The following SLC4A5 variants were observed in gnomAD, a reference collection of about 807,000 sequenced individuals.
The protein encoded by SLC4A5 is solute carrier family 4 member 5, also known as electrogenic sodium bicarbonate cotransporter 4.
A neutral mutation model predicts 120.4 loss-of-function variants in SLC4A5; 96 were observed. The ratio of observed to expected loss-of-function variants is 0.80; its 90% CI spans 0.68 to 0.94. The LOEUF (loss-of-function observed/expected upper bound fraction) is 0.94. Ranked by LOEUF, SLC4A5 falls within the 40% of genes least tolerant of loss-of-function variation. The probability of loss-of-function intolerance (pLI) is 0.00; values close to 1 mark genes in which losing one functional copy is unlikely to be tolerated. For missense variants in SLC4A5, 1,259 were observed against 1,459.5 expected, an observed-to-expected ratio of 0.86 and a Z score of 2.24; for synonymous variants, 550 against 571.1, an observed-to-expected ratio of 0.96 and a Z score of 0.53.
chr2:74,315,496 C>T (rs1672940291), intron 5 of SLC4A5, among the ~76,000 whole-genome samples: 1 of 149,028 alleles, frequency 6.7e-6, no homozygotes, highest in Admixed American at 6.7e-5. Context: ...GAATAATTTC[C>T]AACAAGCAGA....
At chr2:74,284,550 T>C (rs890100691) in intron 8 of SLC4A5, among the ~76,000 whole-genome samples, 6 of 152,168 alleles carry the variant, frequency 3.9e-5, no homozygotes, top group Non-Finnish European at 8.8e-5. Context: ...ATTAAATTCT[T>C]CTCCTGGGGG....
At position 74,333,625 on chromosome 2, in the gene SLC4A5, T is replaced by C. The variant is rs1238864472; in HGVS notation, c.-70+402A>G. 2.0e-5 allele frequency among the ~76,000 whole-genome samples: 3 copies of C among 152,338 alleles called. No homozygotes were observed. In the East Asian group the frequency reaches 5.8e-4, roughly 29 times the overall value. Reference sequence around the variant, plus strand: ...AGGATTGCATAGGTCACATTTTATGTGAAGGACTTGAGCATCTTCAGATTA... The same window carrying C: ...AGGATTGCATAGGTCACATTTTATGCGAAGGACTTGAGCATCTTCAGATTA... On this transcript the variant is annotated intron_variant, in intron 4 of 30. Transcript: ENST00000394019.
intron 3 of SLC4A5, 114 bp downstream of exon 3, chr2:74,338,741 T>C (rs1006595669): frequency 1.3e-5 from 2 of 152,044 alleles, no homozygotes; most frequent in African/African-American, 4.8e-5. Flanking sequence ...TCGAACCCAG[T>C]AGGCAGAGGT....
chr2:74,250,086 A>G (rs1054136644), intron 17 of SLC4A5, among the ~76,000 whole-genome samples: 3 of 152,254 alleles, frequency 2.0e-5, no homozygotes, highest in African/African-American at 7.2e-5. Flanking sequence ...ATAACACAGC[A>G]GATGATTCCC....
At position 74,225,231 on chromosome 2, in the gene SLC4A5, G is replaced by A. The variant is rs142577702; in HGVS notation, c.3091-236C>T. On this transcript the variant is annotated intron_variant, in intron 27 of 30. Transcript: ENST00000394019. ...ATGCCTACCAGTGACCAAGAGGGAC[G>A]GAGCCTGTGACAGCCGAAGTGGGGA... Among the ~76,000 whole-genome samples, 22 of 152,250 alleles carry A rather than the reference G, an allele frequency of 1.4e-4. 1 individual carries two copies. The highest frequency in any genetic ancestry group is 3.9e-4 in the African/African-American group (16 of 41,548).
intron 5 of SLC4A5, among the ~76,000 whole-genome samples, chr2:74,323,226 G>A (rs1673137989): frequency 6.6e-6 from 1 of 152,046 alleles, no homozygotes; most frequent in East Asian, 1.9e-4. Context: ...GTGACAGAGT[G>A]AGACTCTGTC....
intron 14 of SLC4A5, among the ~76,000 whole-genome samples, chr2:74,253,862 G>C (rs1055353241): frequency 7.2e-5 from 11 of 152,184 alleles, no homozygotes; most frequent in African/African-American, 2.7e-4. Flanking sequence ...TCGTAGGAAT[G>C]CTAGTTTTCT....
chr2:74,227,407 C>G, intron 26 of SLC4A5: 1 of 1,454,392 alleles, frequency 6.9e-7, no homozygotes, highest in Non-Finnish European at 9.3e-7. Flanking sequence ...AATTGTAACA[C>G]AAACTGTTTA....
chr2:74,250,415 G>C, exon 17 of SLC4A5: 2 of 1,614,200 alleles, frequency 1.2e-6, no homozygotes, highest in Non-Finnish European at 1.7e-6. Context: ...CGAGGTAGAT[G>C]AATAGGATGG....
intron 30 of SLC4A5, among the ~76,000 whole-genome samples, chr2:74,220,837 CTTTCT>C (rs1694616231): frequency 1.8e-5 from 2 of 111,434 alleles, no homozygotes; most frequent in Admixed American, 9.6e-5. Context: ...TCAATATTTC[CTTTCT>C]TTTTTTTTTT....
intron 8 of SLC4A5, among the ~76,000 whole-genome samples, chr2:74,266,238 G>C (rs182727464): frequency 2.0e-5 from 3 of 152,268 alleles, no homozygotes; most frequent in African/African-American, 7.2e-5. Context: ...AGTGGCACAA[G>C]AGTCCAGAAA....
chr2:74,261,001 A>G (rs1421340960), intron 11 of SLC4A5, among the ~76,000 whole-genome samples: 1 of 150,118 alleles, frequency 6.7e-6, no homozygotes, highest in East Asian at 2.0e-4. Flanking sequence ...TTTGTTTAGA[A>G]CCCCCTCTTC....
exon 24 of SLC4A5, chr2:74,232,512 C>G (rs769937255): frequency 1.2e-6 from 2 of 1,614,094 alleles, no homozygotes; most frequent in South Asian, 2.2e-5. Context: ...GCACTGGTCT[C>G]TGTCTCCATC....
intron 17 of SLC4A5, among the ~76,000 whole-genome samples, chr2:74,249,413 C>G (rs996313093): frequency 2.6e-5 from 4 of 152,084 alleles, no homozygotes; most frequent in Non-Finnish European, 4.4e-5. Flanking sequence ...AGGTCTGGAG[C>G]TGAAAAACAG....
intron 6 of SLC4A5, among the ~76,000 whole-genome samples, chr2:74,311,229 T>G (rs1672796699): frequency 1.3e-5 from 2 of 152,160 alleles, no homozygotes; most frequent in African/African-American, 4.8e-5. Flanking sequence ...TCATCAATTT[T>G]ATTAATCTTT....
chr2:74,274,987 CT>C (rs755496277), intron 8 of SLC4A5, among the ~76,000 whole-genome samples: 1 of 152,208 alleles, frequency 6.6e-6, no homozygotes, highest in Non-Finnish European at 1.5e-5. Flanking sequence ...ATAGGGCCTT[CT>C]GTCTTAGATT....
intron 10 of SLC4A5, 36 bp downstream of exon 10, chr2:74,264,111 C>A (rs1193622853): frequency 1.2e-6 from 2 of 1,601,628 alleles, no homozygotes; most frequent in East Asian, 2.2e-5. Flanking sequence ...ACTGGCCCTG[C>A]ATGTCCCATG....
Position 74,310,875 on chromosome 2 carries a change from T to C in SLC4A5, c.79+4070A>G, listed in dbSNP as rs545274382. On this transcript the variant is annotated intron_variant, in intron 6 of 30. Coordinates refer to ENST00000394019, the Ensembl canonical transcript of SLC4A5. ...TCTGGAAGAGATTGTAGACAACTGA[T>C]ATCCTTTCTTCCTTAAATGTTTGGT... is the stretch of plus-strand genomic sequence containing the variant. Among the ~76,000 whole-genome samples the C allele has an allele frequency of 2.6e-5, 4 of 152,172 alleles. No homozygotes were observed. The South Asian group carries it at 6.2e-4, about 24-fold the overall frequency.
chr2:74,242,461 C>G (rs1388894003), intron 19 of SLC4A5, among the ~76,000 whole-genome samples: 1 of 152,158 alleles, frequency 6.6e-6, no homozygotes, highest in Non-Finnish European at 1.5e-5. Context: ...TACATATATT[C>G]ATTTGTTTAA....
Sources: gnomAD v4.1 joint callset for allele counts (sites outside exome capture counted in the v4.1 genomes callset) on GRCh38, gnomAD v4.1.1 for gene constraint, MANE v1.5 for transcripts, NCBI Gene and HGNC (gene_info 2026-07-23, HGNC 2026-07-21) for gene names.